SLC4A10: variants seen among roughly 807,000 people sequenced by gnomAD.
SLC4A10 encodes solute carrier family 4 member 10.
A neutral mutation model predicts 137.7 loss-of-function variants in SLC4A10; 42 were observed. The observed-to-expected ratio is 0.30, with a 90% CI of 0.24 to 0.39. SLC4A10 has a LOEUF of 0.39. Among genes scored for constraint, SLC4A10 ranks in the 10% least tolerant of loss-of-function variants. The pLI, the probability that SLC4A10 is intolerant of heterozygous loss-of-function variation, is 1.00. For missense variants in SLC4A10, 925 were observed against 1,355.0 expected (o/e 0.68, Z 4.98); for synonymous variants, 474 against 464.1 (o/e 1.02, Z -0.27).
chr2:161,644,983 C>T (rs1471788465), intron 1 of SLC4A10, among the ~76,000 whole-genome samples: 1 of 151,976 alleles, frequency 6.6e-6, no homozygotes, highest in Non-Finnish European at 1.5e-5. Flanking sequence ...ATGCTTTATA[C>T]AATAAATGAT....
chr2:161,772,146 G>A (rs865798039), intron 2 of SLC4A10, among the ~76,000 whole-genome samples: 226 of 151,742 alleles, frequency 1.5e-3, no homozygotes, highest in African/African-American at 5.2e-3. Flanking sequence ...TTACTGGGGG[G>A]GCCTATTGAT....
intron 15 of SLC4A10, among the ~76,000 whole-genome samples, chr2:161,924,021 A>G (rs918158864): frequency 1.5e-4 from 23 of 152,136 alleles, no homozygotes; most frequent in African/African-American, 5.3e-4. Flanking sequence ...CTATGCATCA[A>G]AAGAAACGTT....
intron 23 of SLC4A10, among the ~76,000 whole-genome samples, chr2:161,970,761 G>C (rs571926192): frequency 6.6e-6 from 1 of 152,130 alleles, no homozygotes; most frequent in African/African-American, 2.4e-5. Context: ...GTTAGGTATC[G>C]TGATATATGA....
chr2:161,661,122 T>C (rs1398930337), intron 1 of SLC4A10, among the ~76,000 whole-genome samples: 1 of 152,108 alleles, frequency 6.6e-6, no homozygotes. Flanking sequence ...TTCATTAGGG[T>C]CTTCCAATTT....
chr2:161,966,559 G>A (rs1334357929), intron 23 of SLC4A10, among the ~76,000 whole-genome samples: 1 of 151,896 alleles, frequency 6.6e-6, no homozygotes. Flanking sequence ...GACCATATTG[G>A]CTAACATGGT....
rs1055715359 is a variant in SLC4A10 at position 161,856,479 on chromosome 2, A to G, written c.577+1349A>G. Among the ~76,000 whole-genome samples the G allele has an allele frequency of 5.3e-5, 8 of 152,076 alleles. 1 individual carries two copies. Among genetic ancestry groups the G allele is most frequent in the African/African-American group, 1.9e-4 (8 of 41,428 alleles). On this transcript the variant is annotated intron_variant, in intron 5 of 26. Transcript: ENST00000446997. ...ATAAAGAGATTATTCTTTAAGTTAC[A>G]TAGCTAGAGCCTGAAAGACTTTATA...
intron 1 of SLC4A10, among the ~76,000 whole-genome samples, chr2:161,661,072 T>C (rs62188986): frequency 0.87 from 132,598 of 152,146 alleles, 58,394 homozygotes; most frequent in East Asian, 1. Context: ...AGCTTAACGA[T>C]TTTTAATTTA....
intron 1 of SLC4A10, among the ~76,000 whole-genome samples, chr2:161,648,634 A>G (rs2036391310): frequency 6.6e-6 from 1 of 152,222 alleles, no homozygotes; most frequent in Non-Finnish European, 1.5e-5. Flanking sequence ...TTTTCCCAGA[A>G]TTAACCACTG....
chr2:161,730,897 AT>A (rs1357028113), intron 1 of SLC4A10, among the ~76,000 whole-genome samples: 1 of 152,188 alleles, frequency 6.6e-6, no homozygotes, highest in East Asian at 1.9e-4. Flanking sequence ...AGTAGCTGAT[AT>A]TATTTTTATT....
chr2:161,703,621 A>T (rs1258752456), intron 1 of SLC4A10, among the ~76,000 whole-genome samples: 2 of 151,662 alleles, frequency 1.3e-5, no homozygotes. Context: ...GAAAATTATT[A>T]CATCTCTTAT....
At chr2:161,962,693 G>T (rs978251549) in intron 21 of SLC4A10, among the ~76,000 whole-genome samples, 2 of 152,142 alleles carry the variant, frequency 1.3e-5, no homozygotes, top group Non-Finnish European at 2.9e-5. Flanking sequence ...GTCAGGGAAT[G>T]AACTAATATA....
chr2:161,853,778 A>G (rs1318301756), intron 4 of SLC4A10, among the ~76,000 whole-genome samples: 2 of 152,220 alleles, frequency 1.3e-5, no homozygotes. Context: ...TTTGGCAGGT[A>G]TAAGTATTCT....
intron 1 of SLC4A10, among the ~76,000 whole-genome samples, chr2:161,764,637 A>AT (rs942323225): frequency 1.6e-4 from 24 of 152,090 alleles, no homozygotes; most frequent in African/African-American, 4.6e-4. Context: ...AGAATAATGT[A>AT]TTTTTTTAAC....
At chr2:161,719,242 T>A (rs1166348775) in intron 1 of SLC4A10, among the ~76,000 whole-genome samples, 1 of 152,190 alleles carries the variant, frequency 6.6e-6, no homozygotes, top group Non-Finnish European at 1.5e-5. Flanking sequence ...CTCATCATTT[T>A]TTATGGCTGC....
At chr2:161,830,340 T>G (rs1381084507) in intron 3 of SLC4A10, among the ~76,000 whole-genome samples, 1 of 152,138 alleles carries the variant, frequency 6.6e-6, no homozygotes, top group Non-Finnish European at 1.5e-5. Flanking sequence ...GAAATATTAA[T>G]CCAAACATTT....
chr2:161,812,295 T>C (rs1001472586), intron 3 of SLC4A10, among the ~76,000 whole-genome samples: 3 of 152,098 alleles, frequency 2.0e-5, no homozygotes, highest in African/African-American at 7.2e-5. Flanking sequence ...TCCATTTACT[T>C]TGATCTCTTT....
intron 2 of SLC4A10, among the ~76,000 whole-genome samples, chr2:161,771,510 G>A (rs939530151): frequency 6.6e-6 from 1 of 151,756 alleles, no homozygotes; most frequent in South Asian, 2.1e-4. Flanking sequence ...TCAACAGGGA[G>A]GTAGTATGGC....
At chr2:161,981,018 T>C (rs993433503) in intron 26 of SLC4A10, among the ~76,000 whole-genome samples, 11 of 152,208 alleles carry the variant, frequency 7.2e-5, no homozygotes, top group Non-Finnish European at 1.5e-4. Flanking sequence ...CATAGTTTGC[T>C]GAAATCTAAT....
chr2:161,718,183 T>C (rs2045171944), intron 1 of SLC4A10, among the ~76,000 whole-genome samples: 1 of 152,168 alleles, frequency 6.6e-6, no homozygotes, highest in East Asian at 1.9e-4. Context: ...TTTTTCTCTT[T>C]TTTCTTCTTT....
Sources: allele counts gnomAD v4.1 joint callset (sites outside exome capture counted in the v4.1 genomes callset), GRCh38; gene constraint gnomAD v4.1.1; transcripts MANE v1.5; gene names NCBI Gene and HGNC (gene_info 2026-07-23, HGNC 2026-07-21).